CLIP1: variants seen among roughly 807,000 people sequenced by gnomAD.
CLIP1 encodes the protein CAP-Gly domain-containing linker protein 1.
In CLIP1, 66 loss-of-function variants were observed where a neutral mutation model predicts 161.6. The ratio of observed to expected loss-of-function variants is 0.41; its 90% CI spans 0.33 to 0.50. CLIP1 has a LOEUF of 0.50. Ranked by LOEUF, CLIP1 falls within the 20% of genes least tolerant of loss-of-function variation. CLIP1 has a pLI of 0.27. For synonymous variants in CLIP1, 598 were observed against 626.2 expected (o/e 0.96, Z 0.67); for missense variants, 1,376 against 1,702.0 (o/e 0.81, Z 3.37).
intron 2 of CLIP1, among the ~76,000 whole-genome samples, chr12:122,378,667 A>G (rs549046969): frequency 1.1e-3 from 170 of 152,108 alleles, no homozygotes; most frequent in African/African-American, 4.0e-3. Flanking sequence ...AAATAGCACT[A>G]CTCCACAATT....
At chr12:122,414,030 T>C (rs1338339793) in intron 1 of CLIP1, among the ~76,000 whole-genome samples, 1 of 152,220 alleles carries the variant, frequency 6.6e-6, no homozygotes, top group Admixed American at 6.5e-5. Context: ...CTCTGTTCCC[T>C]TGATTGAAAC....
intron 1 of CLIP1, among the ~76,000 whole-genome samples, chr12:122,385,680 G>A (rs998882632): frequency 3.3e-5 from 5 of 152,194 alleles, no homozygotes; most frequent in Non-Finnish European, 7.3e-5. Flanking sequence ...GAAAGGAAGA[G>A]AATGAAGTCA....
chr12:122,366,354 TTCACACCTATAA>T (rs1238642304), intron 3 of CLIP1, among the ~76,000 whole-genome samples: 1 of 148,322 alleles, frequency 6.7e-6, no homozygotes, highest in African/African-American at 2.5e-5. Context: ...AGTGTGGAAG[TTCACACCTATAA>T]TCCCAGCACT....
At chr12:122,278,744 C>CGGGAGGACGCGGGGTGTACAG in intron 23 of CLIP1, 48 bp downstream of exon 23, 1 of 1,514,200 alleles carries the variant, frequency 6.6e-7, no homozygotes, top group Non-Finnish European at 8.8e-7. Flanking sequence ...AAGGGCTCCT[C>CGGGAGGACGCGGGGTGTACAG]GGGAGGACGC....
rs572254578 is a variant in CLIP1 at position 122,292,029 on chromosome 12, T to A, written c.3595-3488A>T. The stretch of plus-strand genomic sequence containing the variant: ...TCATTCAAGACAGAGTCTCGCTCTG[T>A]CACCCAGGCTGGAGTGCAGGGACAA... On this transcript the variant is annotated intron_variant, in intron 20 of 25. Transcript: ENST00000620786. Among the ~76,000 whole-genome samples, 6 of 152,258 alleles carry A rather than the reference T, an allele frequency of 3.9e-5. No homozygotes were observed. In the East Asian group the frequency reaches 1.2e-3, roughly 29 times the overall value.
chr12:122,354,456 TTC>T lies in CLIP1; in HGVS notation c.1302_1303del (p.Arg436GlufsTer3). On this transcript the variant is annotated frameshift_variant, in exon 7 of 26. Transcript: ENST00000620786. LOFTEE classifies it high-confidence loss of function. ...CCAGGAAACAGTCTGGGGTCACCTT[TTC>T]TCCTCTTCAAGCTGGTTGAGAAGCT... 1.2e-6 allele frequency: 2 copies of T among 1,613,046 alleles called. No homozygotes were observed. The highest frequency in any genetic ancestry group is 1.7e-6 in the Non-Finnish European group (2 of 1,179,306).
intron 25 of CLIP1, among the ~76,000 whole-genome samples, chr12:122,273,301 G>A (rs367660587): frequency 4.6e-5 from 7 of 152,170 alleles, no homozygotes; most frequent in Admixed American, 3.3e-4. Flanking sequence ...CCAGGCTGGA[G>A]TGCAGTGGCA....
At chr12:122,298,900 G>T (rs1341792323) in intron 20 of CLIP1, among the ~76,000 whole-genome samples, 1 of 151,518 alleles carries the variant, frequency 6.6e-6, no homozygotes, top group Non-Finnish European at 1.5e-5. Flanking sequence ...GGTTGCAATG[G>T]GCTGAGATCG....
intron 1 of CLIP1, among the ~76,000 whole-genome samples, chr12:122,394,605 A>G (rs1448958573): frequency 6.6e-6 from 1 of 151,362 alleles, no homozygotes; most frequent in Non-Finnish European, 1.5e-5. Context: ...ACAATCCTTT[A>G]GGCCAGGCAC....
At chr12:122,277,352 G>GTTTTTTTTT (rs66999720) in intron 24 of CLIP1, 2 of 141,066 alleles carry the variant, frequency 1.4e-5, no homozygotes, top group African/African-American at 2.6e-5. Flanking sequence ...TGTTTTTTTT[G>GTTTTTTTTT]TTTTTTTTTT....
chr12:122,278,904 G>T lies in CLIP1; in HGVS notation c.3804C>A (p.Ser1268=). ...CTAGAGTCTGAACAACTGAATGCAA[G>T]GACTTGGCAGAGGCGTTTTCTCCCC... The part of the protein sequence containing the change: ...VLRGENASAK[S]LHSVVQTLES... The change falls in exon 23 of 26, where the codon TCC becomes TCA. Residue 1268 remains serine (S), a synonymous_variant. Transcript: ENST00000620786. 6.2e-7 allele frequency: 1 copy of T among 1,612,676 alleles called. No homozygotes were observed. The highest frequency in any genetic ancestry group is 1.3e-5 in the African/African-American group (1 of 75,016).
chr12:122,319,376 T>C (rs1300698364), intron 17 of CLIP1, 28 bp from the exon 18 acceptor site: 1 of 1,550,050 alleles, frequency 6.5e-7, no homozygotes, highest in South Asian at 1.1e-5. Flanking sequence ...CTGTGAGAAA[T>C]GAGGACAGCC....
intron 1 of CLIP1, among the ~76,000 whole-genome samples, chr12:122,414,516 G>A (rs1271081301): frequency 1.3e-5 from 2 of 151,794 alleles, no homozygotes; most frequent in African/African-American, 2.4e-5. Context: ...CCAGGCTGGA[G>A]TGCAATGGCG....
chr12:122,372,672 G>C (rs1954515090), intron 3 of CLIP1, among the ~76,000 whole-genome samples: 1 of 151,830 alleles, frequency 6.6e-6, no homozygotes. Flanking sequence ...ATTAAGCTAA[G>C]TAAAATCCAT....
chr12:122,408,777 G>A (rs1166924020), intron 1 of CLIP1, among the ~76,000 whole-genome samples: 7 of 151,718 alleles, frequency 4.6e-5, no homozygotes, highest in Admixed American at 2.6e-4. Context: ...CTATAACCAC[G>A]TTTCTATTTT....
intron 5 of CLIP1, among the ~76,000 whole-genome samples, chr12:122,356,795 G>A (rs549143748): frequency 1.1e-4 from 16 of 152,262 alleles, no homozygotes; most frequent in African/African-American, 3.6e-4. Context: ...GCGCCGCCAC[G>A]CCTGACTGGT....
rs774672060 is a variant in CLIP1 at position 122,340,906 on chromosome 12, G to A, written c.2298C>T (p.Leu766=). ...TKVIDNFTSQ[L]KATEEKLLDL... is the part of the protein sequence containing the mutation. ...CCAAGAGCTTTTCTTCAGTAGCCTT[G>A]AGCTGTGATGTAAAATTATCAATAA... The change falls in exon 11 of 26, where the codon CTC becomes CTT. Residue 766 remains leucine, a synonymous_variant. Transcript: ENST00000620786. 2 of 1,614,146 alleles carry A rather than the reference G, an allele frequency of 1.2e-6. No individual in the cohort carries two copies. Among genetic ancestry groups the A allele is most frequent in the South Asian group, 2.2e-5 (2 of 91,078 alleles).
chr12:122,352,684 C>G, intron 8 of CLIP1, 42 bp downstream of exon 8: 7 of 1,515,966 alleles, frequency 4.6e-6, no homozygotes, highest in Non-Finnish European at 6.4e-6. Context: ...GTTCTGAATA[C>G]TGATACCCAT....
intron 1 of CLIP1, among the ~76,000 whole-genome samples, chr12:122,385,078 G>A (rs553053495): frequency 3.3e-5 from 5 of 151,614 alleles, no homozygotes; most frequent in Admixed American, 6.6e-5. Context: ...GACTACAGGC[G>A]CCCACCACCA....
Sources: gnomAD v4.1 joint callset for allele counts (sites outside exome capture counted in the v4.1 genomes callset) on GRCh38, gnomAD v4.1.1 for gene constraint, MANE v1.5 for transcripts, NCBI Gene and HGNC (gene_info 2026-07-23, HGNC 2026-07-21) for gene names.